ERC2: variants seen among roughly 807,000 people sequenced by gnomAD.
ERC2 encodes ELKS/RAB6-interacting/CAST family member 2.
Under a neutral mutation model 114.8 loss-of-function variants are expected in ERC2, and 42 were observed. The ratio of observed to expected loss-of-function variants is 0.37; its 90% CI spans 0.29 to 0.47. The LOEUF is 0.47. Among genes scored for constraint, ERC2 ranks in the 20% least tolerant of loss-of-function variants. ERC2 has a pLI of 0.99. For missense variants in ERC2, 939 were observed against 1,150.7 expected (o/e 0.82, Z 2.66); for synonymous variants, 454 against 425.5 (o/e 1.07, Z -0.82).
At chr3:56,029,128 G>A (rs1430594336) in intron 7 of ERC2, among the ~76,000 whole-genome samples, 1 of 151,866 alleles carries the variant, frequency 6.6e-6, no homozygotes, top group Non-Finnish European at 1.5e-5. Flanking sequence ...AATCAGCCTT[G>A]CACACCGGGA....
intron 7 of ERC2, among the ~76,000 whole-genome samples, chr3:56,075,647 G>A (rs527925664): frequency 6.6e-6 from 1 of 152,106 alleles, no homozygotes; most frequent in African/African-American, 2.4e-5. Flanking sequence ...AGTTTCTTGA[G>A]GACTGGAGAT....
At chr3:55,560,106 C>T (rs755354906) in intron 17 of ERC2, among the ~76,000 whole-genome samples, 6 of 152,172 alleles carry the variant, frequency 3.9e-5, no homozygotes, top group Non-Finnish European at 8.8e-5. Context: ...CAGCCCCTTG[C>T]TTCTTGGGCC....
At chr3:56,193,955 C>G (rs1343478301) in intron 3 of ERC2, among the ~76,000 whole-genome samples, 1 of 152,110 alleles carries the variant, frequency 6.6e-6, no homozygotes, top group Admixed American at 6.6e-5. Flanking sequence ...ACAGGGCTAC[C>G]AATAAACTGG....
In ERC2 at chr3:56,105,827, G is replaced by A. The variant is rs115886524; in HGVS notation, c.1474-24843C>T. Among the ~76,000 whole-genome samples the A allele has an allele frequency of 3.9e-3, 599 of 152,300 alleles. 10 individuals carry two copies. Among genetic ancestry groups the A allele is most frequent in the African/African-American group, 0.014 (575 of 41,566 alleles). On this transcript the variant is annotated intron_variant, in intron 6 of 17. Transcript: ENST00000288221. The stretch of plus-strand genomic sequence containing the variant: ...AAGGAGATGTCTGCACAGGTTGGTT[G>A]AGGGGTGTGCTAGCTAAATAGGCAT...
At chr3:56,246,747 C>A (rs1365492734) in intron 3 of ERC2, among the ~76,000 whole-genome samples, 1 of 152,214 alleles carries the variant, frequency 6.6e-6, no homozygotes, top group African/African-American at 2.4e-5. Context: ...ACCAGTAGAA[C>A]AGGTACAGGC....
intron 14 of ERC2, among the ~76,000 whole-genome samples, chr3:55,845,878 C>T (rs2061342617): frequency 6.6e-6 from 1 of 152,204 alleles, no homozygotes. Context: ...GAAGTTCAGA[C>T]TAAACACAAA....
intron 10 of ERC2, 22 bp from the exon 11 acceptor site, chr3:55,992,272 G>A (rs754359741): frequency 6.3e-7 from 1 of 1,595,886 alleles, no homozygotes. Context: ...CATTTTTAAA[G>A]AATGTAGTTA....
chr3:56,196,493 CTTTT>C (rs58861980), intron 3 of ERC2, among the ~76,000 whole-genome samples: 2 of 120,674 alleles, frequency 1.7e-5, no homozygotes, highest in Non-Finnish European at 3.6e-5. Flanking sequence ...TTCTTGCCTT[CTTTT>C]TTTTTTTTTT....
chr3:55,585,493 A>G (rs1055121470), intron 17 of ERC2, among the ~76,000 whole-genome samples: 11 of 152,214 alleles, frequency 7.2e-5, no homozygotes, highest in African/African-American at 2.7e-4. Context: ...CAGTCCAGTT[A>G]ATCAGTTATA....
chr3:56,230,569 T>A (rs1575970108), intron 3 of ERC2, among the ~76,000 whole-genome samples: 1 of 152,186 alleles, frequency 6.6e-6, no homozygotes, highest in East Asian at 1.9e-4. Flanking sequence ...CTAAAGTGGT[T>A]TTAAAAGCAT....
intron 2 of ERC2, among the ~76,000 whole-genome samples, chr3:56,427,456 T>C (rs2061616595): frequency 6.6e-6 from 1 of 152,146 alleles, no homozygotes; most frequent in African/African-American, 2.4e-5. Flanking sequence ...AAGAGAGCAT[T>C]TCATGTGGTG....
chr3:56,294,577 C>T (rs2055305723), intron 3 of ERC2, among the ~76,000 whole-genome samples: 2 of 152,224 alleles, frequency 1.3e-5, no homozygotes, highest in South Asian at 4.1e-4. Flanking sequence ...TCAAAGCATG[C>T]AAGCTATGAA....
chr3:55,975,273 T>G (rs1313221864), intron 12 of ERC2, among the ~76,000 whole-genome samples: 1 of 152,200 alleles, frequency 6.6e-6, no homozygotes, highest in Non-Finnish European at 1.5e-5. Flanking sequence ...AAGCCTGTTC[T>G]TATTTCTGCT....
intron 13 of ERC2, among the ~76,000 whole-genome samples, chr3:55,913,158 T>G (rs76032163): frequency 6.6e-6 from 1 of 152,100 alleles, no homozygotes; most frequent in Admixed American, 6.6e-5. Context: ...GCTATTTTTC[T>G]TTTTTTAGAG....
intron 2 of ERC2, among the ~76,000 whole-genome samples, chr3:56,420,171 G>T (rs967995009): frequency 3.7e-5 from 5 of 134,454 alleles, no homozygotes; most frequent in African/African-American, 1.4e-4. Flanking sequence ...AACTTAAGTG[G>T]TTATACTTTT....
chr3:56,173,702 G>A (rs2082810658), intron 3 of ERC2, 182 bp from the exon 4 acceptor site: 2 of 558,198 alleles, frequency 3.6e-6, no homozygotes, highest in Middle Eastern at 4.6e-4. Flanking sequence ...GCGTTCCGGT[G>A]AAAAGCTCCT....
At chr3:56,352,148 T>A (rs1412187191) in intron 2 of ERC2, among the ~76,000 whole-genome samples, 1 of 152,124 alleles carries the variant, frequency 6.6e-6, no homozygotes, top group Non-Finnish European at 1.5e-5. Flanking sequence ...ATGTCCAGAT[T>A]AACATTAAAA....
chr3:56,216,383 G>GA (rs2049473174), intron 3 of ERC2, among the ~76,000 whole-genome samples: 1 of 152,174 alleles, frequency 6.6e-6, no homozygotes, highest in Admixed American at 6.5e-5. Context: ...AAATAAACTA[G>GA]AAAATCTAGA....
chr3:56,064,847 T>A (rs2076400164), intron 7 of ERC2, among the ~76,000 whole-genome samples: 1 of 152,204 alleles, frequency 6.6e-6, no homozygotes, highest in East Asian at 1.9e-4. Flanking sequence ...GTAAATAAAG[T>A]TTTATTGGAA....
Sources: gnomAD v4.1 joint callset for allele counts (sites outside exome capture counted in the v4.1 genomes callset) on GRCh38, gnomAD v4.1.1 for gene constraint, MANE v1.5 for transcripts, NCBI Gene and HGNC (gene_info 2026-07-23, HGNC 2026-07-21) for gene names.